The following SEMA6D variants were observed in gnomAD, a reference collection of about 807,000 sequenced individuals.
The protein encoded by SEMA6D is semaphorin 6D.
In SEMA6D, 35 loss-of-function variants were observed where a neutral mutation model predicts 106.6. The ratio of observed to expected loss-of-function variants is 0.33; its 90% CI spans 0.25 to 0.44. SEMA6D has a LOEUF of 0.44. Among genes scored for constraint, SEMA6D ranks in the 20% least tolerant of loss-of-function variants. SEMA6D has a pLI of 1.00. For synonymous variants in SEMA6D, 499 were observed against 487.7 expected (o/e 1.02, Z -0.31); for missense variants, 1,185 against 1,345.9 (o/e 0.88, Z 1.87).
intron 1 of SEMA6D, among the ~76,000 whole-genome samples, chr15:47,356,648 CAGA>C (rs1372454000): frequency 6.6e-6 from 1 of 151,890 alleles, no homozygotes; most frequent in Admixed American, 6.6e-5. Flanking sequence ...TCTCATTTCA[CAGA>C]AGGATAAAGA....
intron 1 of SEMA6D, among the ~76,000 whole-genome samples, chr15:47,194,731 G>T (rs1251290787): frequency 6.6e-6 from 1 of 151,926 alleles, no homozygotes; most frequent in African/African-American, 2.4e-5. Context: ...TTTTAAAATG[G>T]TAGTCAGTCA....
chr15:47,291,152 C>A (rs560154270), intron 1 of SEMA6D, among the ~76,000 whole-genome samples: 1 of 152,082 alleles, frequency 6.6e-6, no homozygotes, highest in Non-Finnish European at 1.5e-5. Flanking sequence ...AAAAAAAGCC[C>A]GAAGTCTAAG....
chr15:47,700,085 GATTT>G (rs772608730), intron 4 of SEMA6D, among the ~76,000 whole-genome samples: 3 of 152,004 alleles, frequency 2.0e-5, no homozygotes, highest in Non-Finnish European at 4.4e-5. Context: ...ATAGGTACAA[GATTT>G]ATTTGAGGAA....
chr15:47,440,616 A>G (rs2041853586), intron 2 of SEMA6D, among the ~76,000 whole-genome samples: 1 of 151,702 alleles, frequency 6.6e-6, no homozygotes, highest in Non-Finnish European at 1.5e-5. Context: ...CAAATTAGAA[A>G]GAAAAACAAA....
intron 4 of SEMA6D, among the ~76,000 whole-genome samples, chr15:47,708,653 T>A: frequency 6.6e-6 from 1 of 152,240 alleles, no homozygotes; most frequent in Non-Finnish European, 1.5e-5. Flanking sequence ...CAGCCTCTAA[T>A]TCTAGACAGT....
intron 4 of SEMA6D, among the ~76,000 whole-genome samples, chr15:47,609,758 C>T (rs1596439549): frequency 6.6e-6 from 1 of 152,204 alleles, no homozygotes; most frequent in African/African-American, 2.4e-5. Flanking sequence ...GTGCCCCTCT[C>T]CAAGTCCTCC....
intron 1 of SEMA6D, among the ~76,000 whole-genome samples, chr15:47,727,084 CG>C (rs2079803971): frequency 6.6e-6 from 1 of 152,148 alleles, no homozygotes; most frequent in Admixed American, 6.5e-5. Context: ...CTTCCACTGT[CG>C]GTACTGTTGA....
At chr15:47,507,592 A>G (rs927817566) in intron 3 of SEMA6D, among the ~76,000 whole-genome samples, 4 of 152,164 alleles carry the variant, frequency 2.6e-5, no homozygotes, top group African/African-American at 9.7e-5. Flanking sequence ...TGTTTGTTCA[A>G]CTCCAACTTG....
At chr15:47,316,020 G>C (rs1050098524) in intron 1 of SEMA6D, among the ~76,000 whole-genome samples, 1 of 150,580 alleles carries the variant, frequency 6.6e-6, no homozygotes, top group African/African-American at 2.5e-5. Flanking sequence ...TACTCTTTTG[G>C]ATTTTCTACA....
chr15:47,426,422 T>G (rs1246219444), intron 2 of SEMA6D, among the ~76,000 whole-genome samples: 1 of 152,124 alleles, frequency 6.6e-6, no homozygotes, highest in East Asian at 1.9e-4. Flanking sequence ...ATAGTTTTGA[T>G]CATCAGTACC....
At chr15:47,319,808 T>C (rs1344119568) in intron 1 of SEMA6D, among the ~76,000 whole-genome samples, 1 of 152,134 alleles carries the variant, frequency 6.6e-6, no homozygotes, top group Non-Finnish European at 1.5e-5. Flanking sequence ...GTTGAGCTCA[T>C]GCAGGTAAAT....
intron 3 of SEMA6D, 83 bp from the exon 4 acceptor site, chr15:47,760,895 G>T: frequency 8.2e-7 from 1 of 1,221,614 alleles, no homozygotes; most frequent in East Asian, 2.5e-5. Flanking sequence ...CACAATAAAG[G>T]CAGATCTGTA....
chr15:47,262,138 A>T (rs1218001158), intron 1 of SEMA6D, among the ~76,000 whole-genome samples: 2 of 152,160 alleles, frequency 1.3e-5, no homozygotes, highest in Non-Finnish European at 2.9e-5. Context: ...GAGGTAAAAA[A>T]AATCTCTACG....
At chr15:47,635,454 GGC>G (rs1353945193) in intron 4 of SEMA6D, among the ~76,000 whole-genome samples, 2 of 152,090 alleles carry the variant, frequency 1.3e-5, no homozygotes, top group African/African-American at 4.8e-5. Context: ...TCTAAGAATG[GGC>G]TAGGCCAAGA....
At chr15:47,450,130 AG>A (rs1596026204) in intron 2 of SEMA6D, among the ~76,000 whole-genome samples, 1 of 152,278 alleles carries the variant, frequency 6.6e-6, no homozygotes, top group East Asian at 1.9e-4. Context: ...GCACAGGCAA[AG>A]ACCCTCCCAA....
At chr15:47,381,037 A>G (rs1230102290) in intron 1 of SEMA6D, among the ~76,000 whole-genome samples, 1 of 152,262 alleles carries the variant, frequency 6.6e-6, no homozygotes, top group African/African-American at 2.4e-5. Context: ...GGCCAGAAAC[A>G]TAAGAGAAAT....
intron 1 of SEMA6D, among the ~76,000 whole-genome samples, chr15:47,371,858 T>C (rs2039284601): frequency 6.6e-6 from 1 of 152,204 alleles, no homozygotes. Context: ...CTGAATGCTT[T>C]ACAAATATTT....
At position 47,660,518 on chromosome 15, in the gene SEMA6D, A is replaced by T. The variant is rs1352204420; in HGVS notation, c.-55+59622A>T. Among the ~76,000 whole-genome samples, 3 of 152,180 alleles carry T rather than the reference A, an allele frequency of 2.0e-5. No homozygotes were observed. In the East Asian group the frequency reaches 5.8e-4, roughly 29 times the overall value. On this transcript the variant is annotated intron_variant, in intron 4 of 19. Coordinates refer to the SEMA6D transcript ENST00000558014. ...AAACACGTAGACCCAGGCGGATGCAAAGGCTTGTATGGGATCTATTTGCCT... is the reference window on the plus strand; with the variant it reads ...AAACACGTAGACCCAGGCGGATGCATAGGCTTGTATGGGATCTATTTGCCT...
intron 1 of SEMA6D, chr15:47,730,604 C>G: frequency 6.4e-7 from 1 of 1,561,436 alleles, no homozygotes; most frequent in Non-Finnish European, 8.8e-7. Context: ...GGCCAACAGT[C>G]TCTGCTTCTT....
Sources: gnomAD v4.1 joint callset for allele counts (sites outside exome capture counted in the v4.1 genomes callset) on GRCh38, gnomAD v4.1.1 for gene constraint, MANE v1.5 for transcripts, NCBI Gene and HGNC (gene_info 2026-07-23, HGNC 2026-07-21) for gene names.